Variants in PIP5K1B observed in about 807,000 individuals in gnomAD.
PIP5K1B encodes the protein phosphatidylinositol 4-phosphate 5-kinase type-1 beta.
Under a neutral mutation model 67.0 loss-of-function variants are expected in PIP5K1B, and 42 were observed. The ratio of observed to expected loss-of-function variants is 0.63; its 90% confidence interval spans 0.49 to 0.81. The LOEUF is 0.81. Among genes scored for constraint, PIP5K1B ranks in the 30% least tolerant of loss-of-function variants. The pLI, the probability that PIP5K1B is intolerant of heterozygous loss-of-function variation, is 0.00. For missense variants in PIP5K1B, 459 were observed against 646.3 expected, an observed-to-expected ratio of 0.71 and a Z score of 3.14; for synonymous variants, 214 against 231.4, an observed-to-expected ratio of 0.92 and a Z score of 0.68.
In PIP5K1B at chr9:68,991,339, A is replaced by G. The variant is rs1296901333; in HGVS notation, c.1620+82A>G. On this transcript the variant is annotated intron_variant, in intron 15 of 15. Coordinates refer to ENST00000265382, the MANE Select transcript of PIP5K1B (RefSeq NM_003558.4). ...CATGGCTTACACAAGAACAAGTTCA[A>G]TAAAACCAGGCATGCTTGGGTTTTA... 7.8e-6 allele frequency: 6 copies of G among 770,882 alleles called. No individual in the cohort carries two copies. In the African/African-American group the frequency reaches 1.0e-4, roughly 13 times the overall value. 47.8% of individuals were successfully genotyped at this position (770,882 alleles called of 1,614,324 possible).
At chr9:68,826,447 T>C (rs180801365) in intron 4 of PIP5K1B, among the ~76,000 whole-genome samples, 29 of 152,342 alleles carry the variant, frequency 1.9e-4, no homozygotes, top group Admixed American at 1.8e-3. Flanking sequence ...GATTTTGATA[T>C]GAAATCTGCC....
At chr9:68,971,114 C>T (rs773500184) in intron 14 of PIP5K1B, among the ~76,000 whole-genome samples, 10 of 152,168 alleles carry the variant, frequency 6.6e-5, no homozygotes, top group Non-Finnish European at 1.5e-4. Context: ...AACCCGTCAT[C>T]TCCATTAGGT....
intron 4 of PIP5K1B, among the ~76,000 whole-genome samples, chr9:68,849,649 C>T (rs762131768): frequency 2.0e-5 from 3 of 152,146 alleles, no homozygotes; most frequent in African/African-American, 4.8e-5. Flanking sequence ...TAAAGGCATG[C>T]GCCACCACGC....
intron 14 of PIP5K1B, among the ~76,000 whole-genome samples, chr9:68,958,079 C>G (rs560521543): frequency 6.6e-6 from 1 of 152,160 alleles, no homozygotes; most frequent in East Asian, 1.9e-4. Flanking sequence ...CACCATGTTG[C>G]CCAGGCTGGT....
intron 2 of PIP5K1B, among the ~76,000 whole-genome samples, chr9:68,801,082 AT>A (rs1832576220): frequency 6.6e-6 from 1 of 152,172 alleles, no homozygotes; most frequent in African/African-American, 2.4e-5. Context: ...GTCCATAGAT[AT>A]TTTAACCCAT....
chr9:68,940,581 T>G, intron 13 of PIP5K1B, 65 bp from the exon 14 acceptor site: 3 of 1,470,646 alleles, frequency 2.0e-6, no homozygotes, highest in Non-Finnish European at 2.8e-6. Flanking sequence ...ATTTCAATTA[T>G]TATAGATACT....
intron 4 of PIP5K1B, among the ~76,000 whole-genome samples, chr9:68,861,568 G>C (rs1338622895): frequency 6.6e-6 from 1 of 152,192 alleles, no homozygotes. Context: ...GATACAGATA[G>C]TTCTGGAAAG....
chr9:68,995,637 C>G (rs1206391913), intron 15 of PIP5K1B, among the ~76,000 whole-genome samples: 2 of 152,010 alleles, frequency 1.3e-5, no homozygotes, highest in African/African-American at 2.4e-5. Context: ...GAAACCCTAT[C>G]TCTACTAAAA....
At chr9:68,874,076 G>C (rs1823759599) in intron 5 of PIP5K1B, among the ~76,000 whole-genome samples, 1 of 152,292 alleles carries the variant, frequency 6.6e-6, no homozygotes, top group South Asian at 2.1e-4. Context: ...TGTAACCTCA[G>C]CAATTAATTG....
At chr9:68,843,962 T>C (rs1822053377) in intron 4 of PIP5K1B, among the ~76,000 whole-genome samples, 1 of 152,122 alleles carries the variant, frequency 6.6e-6, no homozygotes, top group African/African-American at 2.4e-5. Context: ...CAGAGGTTGT[T>C]AGAGGAAGCA....
intron 2 of PIP5K1B, among the ~76,000 whole-genome samples, chr9:68,763,625 C>T (rs760756476): frequency 2.0e-5 from 3 of 152,092 alleles, no homozygotes; most frequent in Non-Finnish European, 4.4e-5. Context: ...CAATTCACAG[C>T]TCTATAGATT....
At chr9:68,812,909 TG>T (rs1259856990) in intron 2 of PIP5K1B, among the ~76,000 whole-genome samples, 14 of 152,362 alleles carry the variant, frequency 9.2e-5, no homozygotes, top group African/African-American at 3.1e-4. Context: ...TCTATCATTA[TG>T]GAATTTTGAA....
Position 68,882,105 on chromosome 9 carries a change from G to GC in PIP5K1B, c.318+5312dup, listed in dbSNP as rs548528384. 1.3e-3 allele frequency among the ~76,000 whole-genome samples: 198 copies of GC among 152,328 alleles called. 1 individual carries two copies. Among genetic ancestry groups the GC allele is most frequent in the African/African-American group, 4.6e-3 (192 of 41,572 alleles). The stretch of plus-strand genomic sequence containing the variant: ...GACCCTGCAGGAAATAGAAGCAAGA[G>GC]CATGAATACATTAGAACAGCTTGCA... On this transcript the variant is annotated intron_variant, in intron 6 of 15. Coordinates refer to ENST00000265382, the MANE Select transcript of PIP5K1B (RefSeq NM_003558.4).
intron 4 of PIP5K1B, among the ~76,000 whole-genome samples, chr9:68,842,815 A>G (rs1230890314): frequency 6.6e-6 from 1 of 152,236 alleles, no homozygotes; most frequent in Admixed American, 6.5e-5. Context: ...CAAAGTTGAG[A>G]AATCCTGGCC....
At chr9:68,900,722 A>G (rs1274008663) in intron 8 of PIP5K1B, among the ~76,000 whole-genome samples, 1 of 152,140 alleles carries the variant, frequency 6.6e-6, no homozygotes. Flanking sequence ...GTTGAGCCGC[A>G]TGTTATTAAT....
At chr9:68,750,000 A>G (rs1034767672) in intron 2 of PIP5K1B, among the ~76,000 whole-genome samples, 2 of 152,244 alleles carry the variant, frequency 1.3e-5, no homozygotes, top group African/African-American at 4.8e-5. Context: ...TTCATTATCT[A>G]TAAAATAATA....
chr9:68,920,163 T>A (rs1274661568), intron 11 of PIP5K1B, among the ~76,000 whole-genome samples: 1 of 152,088 alleles, frequency 6.6e-6, no homozygotes, highest in East Asian at 1.9e-4. Flanking sequence ...ACAATGCTGG[T>A]TATTTGGCCT....
intron 15 of PIP5K1B, among the ~76,000 whole-genome samples, chr9:69,008,133 A>T (rs1188609497): frequency 6.6e-6 from 1 of 152,216 alleles, no homozygotes; most frequent in Admixed American, 6.5e-5. Context: ...ACCACAGCAC[A>T]TCCCCTCATC....
In PIP5K1B at chr9:68,923,237, C is replaced by G. The variant is rs1174527298; in HGVS notation, c.1117-65C>G. Reference sequence around the variant, plus strand: ...CTAACAGAGAACCAATTGCATAGATCTCTCTTCTGACTTGAGATGAACATT... The same window carrying G: ...CTAACAGAGAACCAATTGCATAGATGTCTCTTCTGACTTGAGATGAACATT... On this transcript the variant is annotated intron_variant, in intron 11 of 15. Transcript: ENST00000265382. 6 of 889,012 alleles carry G rather than the reference C, an allele frequency of 6.7e-6. No individual in the cohort carries two copies. The East Asian group carries it at 1.5e-4, about 22-fold the overall frequency. The allele number at this position is 889,012 out of a possible 1,614,324, so 55.1% of individuals were successfully genotyped here.
Sources: allele counts gnomAD v4.1 joint callset (sites outside exome capture counted in the v4.1 genomes callset), GRCh38; gene constraint gnomAD v4.1.1; transcripts MANE v1.5; gene names NCBI Gene and HGNC (gene_info 2026-07-23, HGNC 2026-07-21).